Variants in RIMS1 observed in about 807,000 individuals in gnomAD.
RIMS1 encodes the protein regulating synaptic membrane exocytosis 1.
A neutral mutation model predicts 214.1 loss-of-function variants in RIMS1; 83 were observed. That is an observed-to-expected ratio of 0.39 (90% CI 0.32 to 0.47). RIMS1 has a LOEUF of 0.47. Among genes scored for constraint, RIMS1 ranks in the 20% least tolerant of loss-of-function variants. The probability of loss-of-function intolerance (pLI) is 0.99; values close to 1 mark genes in which losing one functional copy is unlikely to be tolerated. For synonymous variants in RIMS1, 793 were observed against 786.8 expected (o/e 1.01, Z -0.13); for missense variants, 2,050 against 2,161.8 (o/e 0.95, Z 1.03).
intron 4 of RIMS1, among the ~76,000 whole-genome samples, chr6:72,129,255 TTCCATAATTACC>T (rs1398374562): frequency 6.6e-6 from 1 of 152,214 alleles, no homozygotes; most frequent in Non-Finnish European, 1.5e-5. Flanking sequence ...CATCATAATA[TTCCATAATTACC>T]TCAGCAGCAT....
chr6:72,218,590 T>C (rs1401177184), intron 6 of RIMS1, among the ~76,000 whole-genome samples: 4 of 152,190 alleles, frequency 2.6e-5, no homozygotes, highest in Admixed American at 1.3e-4. Context: ...TTATTGTAAA[T>C]TGAACAATGT....
chr6:72,135,575 G>A (rs1174111471), intron 4 of RIMS1, among the ~76,000 whole-genome samples: 1 of 152,106 alleles, frequency 6.6e-6, no homozygotes, highest in Non-Finnish European at 1.5e-5. Flanking sequence ...GTTTAGTGTG[G>A]GTGTCAGGGT....
intron 6 of RIMS1, among the ~76,000 whole-genome samples, chr6:72,202,271 A>G (rs1369408328): frequency 6.6e-6 from 1 of 152,158 alleles, no homozygotes; most frequent in Non-Finnish European, 1.5e-5. Flanking sequence ...TTATTTTCTC[A>G]TAGTTCTGGA....
chr6:72,380,816 G>C (rs914526289), intron 29 of RIMS1, among the ~76,000 whole-genome samples: 1 of 152,044 alleles, frequency 6.6e-6, no homozygotes, highest in Non-Finnish European at 1.5e-5. Flanking sequence ...ACAGGCATAA[G>C]CCACCATGCC....
At chr6:72,321,869 A>T (rs949951589) in intron 28 of RIMS1, among the ~76,000 whole-genome samples, 6 of 152,122 alleles carry the variant, frequency 3.9e-5, no homozygotes, top group African/African-American at 1.4e-4. Flanking sequence ...CAAATGAGTC[A>T]TCAAGGCCTA....
At chr6:72,399,338 T>C (rs1011122271) in intron 33 of RIMS1, among the ~76,000 whole-genome samples, 5 of 152,012 alleles carry the variant, frequency 3.3e-5, no homozygotes, top group Non-Finnish European at 5.9e-5. Flanking sequence ...TCTCTCTCTA[T>C]CCTCTCCTTC....
At chr6:72,070,654 T>G (rs1586246292) in intron 2 of RIMS1, among the ~76,000 whole-genome samples, 1 of 152,140 alleles carries the variant, frequency 6.6e-6, no homozygotes, top group African/African-American at 2.4e-5. Context: ...AAATACACAT[T>G]CCCAAGCAAC....
chr6:72,102,521 G>A lies in RIMS1; in HGVS notation c.471+2535G>A, dbSNP rs150840380. Among the ~76,000 whole-genome samples, 11 of 151,942 alleles carry A rather than the reference G, an allele frequency of 7.2e-5. No homozygotes were observed. The East Asian group carries it at 1.2e-3, about 16-fold the overall frequency. On this transcript the variant is annotated intron_variant, in intron 4 of 33. Coordinates refer to ENST00000521978, the MANE Select transcript of RIMS1 (RefSeq NM_014989.7). ...GTTACAATTTTTCAACTAGTTTTTC[G>A]TAACTGTCCATTGAAGTTTGTTTTA...
At chr6:72,170,466 C>T (rs2046875421) in intron 4 of RIMS1, among the ~76,000 whole-genome samples, 1 of 152,162 alleles carries the variant, frequency 6.6e-6, no homozygotes, top group Admixed American at 6.5e-5. Flanking sequence ...GCCTCAGCCT[C>T]CTGAGTAGCT....
At chr6:72,366,811 A>G in intron 29 of RIMS1, 9 of 985,756 alleles carry the variant, frequency 9.1e-6, no homozygotes, top group Non-Finnish European at 1.1e-5. Context: ...TTTGGCATTC[A>G]GTTTTCCCCA....
At chr6:71,995,518 T>G (rs963814066) in intron 2 of RIMS1, among the ~76,000 whole-genome samples, 1 of 147,932 alleles carries the variant, frequency 6.8e-6, no homozygotes, top group Admixed American at 6.8e-5. Context: ...TTGTTTGTGT[T>G]TGTTTGTGTG....
chr6:72,022,043 G>A (rs951580310), intron 2 of RIMS1, among the ~76,000 whole-genome samples: 1 of 152,154 alleles, frequency 6.6e-6, no homozygotes, highest in African/African-American at 2.4e-5. Context: ...TGTTATGAAA[G>A]AGAGAAAGAA....
At chr6:72,271,920 C>T (rs1481982517) in intron 22 of RIMS1, among the ~76,000 whole-genome samples, 1 of 152,164 alleles carries the variant, frequency 6.6e-6, no homozygotes, top group Non-Finnish European at 1.5e-5. Flanking sequence ...TTATTCAATC[C>T]TGTAGCCTCC....
In RIMS1 at chr6:72,242,397, T is replaced by C. The variant is rs1371696335; in HGVS notation, c.2041T>C (p.Ser681Pro). The change falls in exon 10 of 34, where the codon TCA (serine) becomes CCA (proline). Residue 681 changes from serine to proline, a missense_variant. This residue lies in a region of RIMS1 where 111 missense variants were observed against 166.2 expected (regional missense o/e 0.67). Coordinates refer to ENST00000521978, the MANE Select transcript of RIMS1 (RefSeq NM_014989.7). ...EVYNIILESKSEPQVEIIVSR... is the reference protein window; with the variant it reads ...EVYNIILESKPEPQVEIIVSR... ...TTACAACATTATTTTAGAATCAAAATCAGAACCTCAAGTTGAAATTATTGT... is the reference window on the plus strand; with the variant it reads ...TTACAACATTATTTTAGAATCAAAACCAGAACCTCAAGTTGAAATTATTGT... 7 of 1,561,780 alleles carry C rather than the reference T, an allele frequency of 4.5e-6. No homozygotes were observed. Among genetic ancestry groups the C allele is most frequent in the Non-Finnish European group, 6.1e-6 (7 of 1,151,548 alleles).
chr6:72,181,466 TA>T (rs1214614942), intron 5 of RIMS1, among the ~76,000 whole-genome samples: 1 of 152,218 alleles, frequency 6.6e-6, no homozygotes, highest in Non-Finnish European at 1.5e-5. Context: ...TTAAATAAGA[TA>T]GAGAATTTGG....
chr6:72,035,610 T>C (rs2152042869), intron 2 of RIMS1, among the ~76,000 whole-genome samples: 2 of 152,282 alleles, frequency 1.3e-5, no homozygotes, highest in East Asian at 3.9e-4. Context: ...AAAATTATTA[T>C]TTGAATTTGT....
chr6:72,114,930 G>A (rs115891474), intron 4 of RIMS1, among the ~76,000 whole-genome samples: 2,311 of 151,942 alleles, frequency 0.015, 62 homozygotes, highest in African/African-American at 0.051. Context: ...CAAAGTTCTA[G>A]AAGATACTTG....
chr6:72,041,419 T>C (rs1821402842), intron 2 of RIMS1, among the ~76,000 whole-genome samples: 1 of 151,924 alleles, frequency 6.6e-6, no homozygotes, highest in African/African-American at 2.4e-5. Flanking sequence ...TCAAAAGTTA[T>C]AGTTTTTATC....
intron 1 of RIMS1, among the ~76,000 whole-genome samples, chr6:71,895,272 T>C (rs1378574756): frequency 6.6e-6 from 1 of 152,246 alleles, no homozygotes; most frequent in Non-Finnish European, 1.5e-5. Flanking sequence ...TTGAAGACTA[T>C]TTTTAATCTC....
Sources: allele counts gnomAD v4.1 joint callset (sites outside exome capture counted in the v4.1 genomes callset), GRCh38; gene constraint gnomAD v4.1.1; regional missense constraint gnomAD v4.1.1; transcripts MANE v1.5; gene names NCBI Gene and HGNC (gene_info 2026-07-23, HGNC 2026-07-21).